The following DACH2 variants were observed in gnomAD, a reference collection of about 807,000 sequenced individuals.
DACH2 encodes the protein dachshund homolog 2.
Under a neutral mutation model 35.8 loss-of-function variants are expected in DACH2, and 17 were observed. The observed-to-expected ratio is 0.48, with a 90% CI of 0.33 to 0.71. DACH2 has a LOEUF of 0.71. Among genes scored for constraint, DACH2 ranks in the 30% least tolerant of loss-of-function variants. The probability of loss-of-function intolerance (pLI) is 0.02; values close to 1 mark genes in which losing one functional copy is unlikely to be tolerated. For missense variants in DACH2, 469 were observed against 472.7 expected, an observed-to-expected ratio of 0.99 and a Z score of 0.07; for synonymous variants, 195 against 177.3, an observed-to-expected ratio of 1.10 and a Z score of -0.79.
chrX:86,765,698 GTTTTTTT>G (rs60709865), intron 7 of DACH2, among the ~76,000 whole-genome samples: 4 of 24,637 alleles, frequency 1.6e-4, no homozygotes, highest in Non-Finnish European at 1.3e-4. Flanking sequence ...TTGTTTTTTG[GTTTTTTT>G]TTTTTTTTTT....
At chrX:86,247,353 A>G (rs1263790428) in intron 1 of DACH2, among the ~76,000 whole-genome samples, 1 of 111,569 alleles carries the variant, frequency 9.0e-6, no homozygotes, top group Non-Finnish European at 1.9e-5. Context: ...TAAAGAATAA[A>G]TAGATCAATA....
At chrX:86,169,243 G>A (rs1289798981) in intron 1 of DACH2, among the ~76,000 whole-genome samples, 2 of 111,358 alleles carry the variant, frequency 1.8e-5, no homozygotes, top group African/African-American at 6.5e-5. Context: ...GGCCTGTAAG[G>A]TTTCCACTGA....
chrX:86,533,653 A>T (rs922542965), intron 3 of DACH2, among the ~76,000 whole-genome samples: 1 of 112,116 alleles, frequency 8.9e-6, no homozygotes, highest in Non-Finnish European at 1.9e-5. Flanking sequence ...AATCATTTTT[A>T]TTCTCTTTAA....
chrX:86,531,688 C>G (rs1318042036), intron 3 of DACH2, among the ~76,000 whole-genome samples: 1 of 112,748 alleles, frequency 8.9e-6, no homozygotes, highest in Admixed American at 9.3e-5. Flanking sequence ...AGAATCTCTA[C>G]TAGGGCAATG....
At chrX:86,545,241 G>T (rs367708144) in intron 3 of DACH2, among the ~76,000 whole-genome samples, 1 of 112,069 alleles carries the variant, frequency 8.9e-6, no homozygotes, top group African/African-American at 3.2e-5. Flanking sequence ...AAGAGATCTT[G>T]TCCTTTGTAG....
intron 2 of DACH2, among the ~76,000 whole-genome samples, chrX:86,432,822 T>A (rs1453084082): frequency 1.8e-5 from 2 of 112,407 alleles, no homozygotes. Flanking sequence ...TGTATATTAG[T>A]TAAAAGCTGT....
intron 1 of DACH2, among the ~76,000 whole-genome samples, chrX:86,256,500 T>G (rs2033522634): frequency 9.0e-6 from 1 of 111,626 alleles, no homozygotes; most frequent in Non-Finnish European, 1.9e-5. Flanking sequence ...AGGTCCCTCC[T>G]TTTTCAAGTA....
chrX:86,483,095 A>C (rs1312146256), intron 2 of DACH2, among the ~76,000 whole-genome samples: 1 of 106,827 alleles, frequency 9.4e-6, no homozygotes, highest in Non-Finnish European at 1.9e-5. Context: ...GTATGTAACT[A>C]ACCTGCACAA....
intron 3 of DACH2, among the ~76,000 whole-genome samples, chrX:86,541,959 G>C (rs1272737564): frequency 9.0e-6 from 1 of 111,695 alleles, no homozygotes; most frequent in African/African-American, 3.3e-5. Context: ...CTAGACAATT[G>C]ATATCTGAAT....
intron 1 of DACH2, among the ~76,000 whole-genome samples, chrX:86,154,874 G>C (rs1457655784): frequency 9.0e-6 from 1 of 111,350 alleles, no homozygotes; most frequent in Non-Finnish European, 1.9e-5. Context: ...TCCATTTTCT[G>C]CTAGAACAAC....
At chrX:86,453,310 G>A (rs1174963068) in intron 2 of DACH2, among the ~76,000 whole-genome samples, 1 of 112,074 alleles carries the variant, frequency 8.9e-6, no homozygotes, top group Non-Finnish European at 1.9e-5. Context: ...CGGGTGGAGA[G>A]TTCTGTCGAT....
At chrX:86,446,922 G>A (rs1177663283) in intron 2 of DACH2, among the ~76,000 whole-genome samples, 1 of 91,860 alleles carries the variant, frequency 1.1e-5, no homozygotes, top group African/African-American at 4.0e-5. Context: ...CAGTGTAAAA[G>A]TGTTCCTATT....
At chrX:86,273,746 G>A in intron 1 of DACH2, among the ~76,000 whole-genome samples, 1 of 111,778 alleles carries the variant, frequency 8.9e-6, no homozygotes, top group Middle Eastern at 4.6e-3. Flanking sequence ...AAACAAGCCA[G>A]GCTCTTGATA....
chrX:86,305,638 A>G (rs1386809946), intron 1 of DACH2, among the ~76,000 whole-genome samples: 2 of 111,460 alleles, frequency 1.8e-5, no homozygotes, highest in Non-Finnish European at 3.8e-5. Flanking sequence ...TGAAGAGACA[A>G]CATATAGAAT....
chrX:86,734,899 T>G (rs888892359), intron 6 of DACH2, among the ~76,000 whole-genome samples: 1 of 111,718 alleles, frequency 9.0e-6, no homozygotes, highest in Non-Finnish European at 1.9e-5. Context: ...ATATGAAATA[T>G]CAAGACAAAT....
rs112267843 is a variant in DACH2, at chrX:86,666,312, T to TGTGTGA, written c.772+15146_772+15147insTGTGAG. Among the ~76,000 whole-genome samples, 764 of 99,910 alleles carry TGTGTGA rather than the reference T, an allele frequency of 7.6e-3. 12 individuals carry two copies. Among genetic ancestry groups the TGTGTGA allele is most frequent in the Admixed American group, 0.049 (425 of 8,712 alleles). The allele number at this position is 99,910 out of a possible 115,157, so 86.8% of individuals were successfully genotyped here. A position where few individuals can be genotyped will look rare whatever the true frequency, so the allele number is the denominator to read the frequency against. On this transcript the variant is annotated intron_variant, in intron 4 of 11. Transcript: ENST00000373125. ...AGTGGGATGTGTGTGTGTGTGTGTG[T>TGTGTGA]GAGAGAGAGAGAGAGAGAGAATAAG... is the stretch of plus-strand genomic sequence containing the variant.
intron 7 of DACH2, among the ~76,000 whole-genome samples, chrX:86,770,619 G>C (rs2147295020): frequency 8.9e-6 from 1 of 112,150 alleles, no homozygotes; most frequent in South Asian, 3.7e-4. Context: ...ATTTGGTAAA[G>C]TGACAAGGTT....
chrX:86,795,680 C>T (rs1267290177), intron 7 of DACH2, among the ~76,000 whole-genome samples: 4 of 112,242 alleles, frequency 3.6e-5, no homozygotes, highest in African/African-American at 9.7e-5. Context: ...CGCGGACCCT[C>T]GCAGTGAGTG....
chrX:86,740,149 G>A (rs1214427054), intron 7 of DACH2, among the ~76,000 whole-genome samples: 1 of 110,520 alleles, frequency 9.0e-6, no homozygotes, highest in Non-Finnish European at 1.9e-5. Context: ...TGTAGAGTAT[G>A]GGTGAGTTCT....
Sources: allele counts gnomAD v4.1 joint callset (sites outside exome capture counted in the v4.1 genomes callset), GRCh38; gene constraint gnomAD v4.1.1; transcripts MANE v1.5; gene names NCBI Gene and HGNC (gene_info 2026-07-23, HGNC 2026-07-21).